The following MX1 variants were observed in gnomAD, a reference collection of about 807,000 sequenced individuals.
The protein encoded by MX1 is MX dynamin like GTPase 1.
MX1 carries 66 observed loss-of-function variants against 66.4 expected under a neutral mutation model. That is an observed-to-expected ratio of 0.99 (90% CI 0.82 to 1.22). The LOEUF (loss-of-function observed/expected upper bound fraction) is 1.22, where lower values mean the gene tolerates loss of function less well. Ranked by LOEUF, MX1 falls within the 50% of genes most tolerant of loss-of-function variation. MX1 has a pLI of 0.00. For missense variants in MX1, 787 were observed against 834.3 expected, an observed-to-expected ratio of 0.94 and a Z score of 0.70; for synonymous variants, 311 against 318.1, an observed-to-expected ratio of 0.98 and a Z score of 0.24.
At chr21:41,424,303 C>G (rs920509116), upstream of MX1, among the ~76,000 whole-genome samples, 2 of 151,480 alleles carry the variant, frequency 1.3e-5, no homozygotes, top group African/African-American at 4.9e-5. Context: ...AACTTGTGTT[C>G]CCCTTGGATG....
rs533327196 is a variant in MX1, at chr21:41,450,463, C to A, written c.1433-704C>A. ...AGCTGGAGATAGCCTCAGAACAGCT[C>A]ATTCAGAGGTGTATTTCCAGTAAAA... is the stretch of plus-strand genomic sequence containing the variant. On this transcript the variant is annotated intron_variant, in intron 14 of 16. Transcript: ENST00000398598. 9.9e-4 allele frequency among the ~76,000 whole-genome samples: 151 copies of A among 152,266 alleles called. 3 individuals are homozygous for A. The South Asian group carries it at 0.014, about 14-fold the overall frequency.
chr21:41,445,115 A>G (rs1216740182), intron 11 of MX1, among the ~76,000 whole-genome samples: 1 of 152,170 alleles, frequency 6.6e-6, no homozygotes, highest in Non-Finnish European at 1.5e-5. Context: ...GGATCTCTCC[A>G]GTCTCCCTCC....
Position 41,445,512 on chromosome 21 carries a change from A to G in MX1, c.1073A>G (p.Gln358Arg), listed in dbSNP as rs2090635500. The G allele has an allele frequency of 2.5e-6, 4 of 1,614,102 alleles. No individual in the cohort carries two copies. Among genetic ancestry groups the G allele is most frequent in the Non-Finnish European group, 3.4e-6 (4 of 1,180,036 alleles). The part of the protein sequence containing the change: ...ETHQRITEEL[Q>R]KYGVDIPEDE... ...CACCAGAGAATAACAGAGGAGCTACAAAAGTATGGTGTCGACATACCGGAA... is the reference window on the plus strand; with the variant it reads ...CACCAGAGAATAACAGAGGAGCTACGAAAGTATGGTGTCGACATACCGGAA... The change falls in exon 12 of 17, where the codon CAA becomes CGA. Residue 358 changes from glutamine (Q) to arginine (R), a missense_variant. Transcript: ENST00000398598.
At position 41,441,748 on chromosome 21, in the gene MX1, G is replaced by C; in HGVS notation, c.763G>C (p.Gly255Arg). The part of the protein sequence containing the change: ...ILTKPDLVDK[G>R]TEDKVVDVVR... ...GACGAAGCCTGATCTGGTGGACAAAGGAACTGAAGACAAGGTTGTGGACGT... is the reference window on the plus strand; with the variant it reads ...GACGAAGCCTGATCTGGTGGACAAACGAACTGAAGACAAGGTTGTGGACGT... The change falls in exon 10 of 17, where the codon GGA becomes CGA. Residue 255 changes from glycine to arginine, a missense_variant. Gly to Arg is a moderately radical substitution (Grantham distance 125, BLOSUM62 -2). Transcript: ENST00000398598. This position sits in a 1 kb window ranked among gnomAD's most constrained non-coding sequence, Gnocchi z 4.0. The C allele has an allele frequency of 1.2e-6, 2 of 1,614,180 alleles. No homozygotes were observed. The highest frequency in any genetic ancestry group is 2.2e-5 in the South Asian group (2 of 91,076).
upstream of MX1, chr21:41,422,674 C>T (rs920381343): frequency 3.9e-5 from 6 of 152,084 alleles, no homozygotes; most frequent in African/African-American, 1.4e-4. Flanking sequence ...AACTGCTGTT[C>T]GTTTAATAGA....
rs1279193523 is a variant in MX1, at chr21:41,441,067, G to A, written c.730+42G>A. The A allele has an allele frequency of 1.3e-6, 2 of 1,514,144 alleles. No individual in the cohort carries two copies. Among genetic ancestry groups the A allele is most frequent in the East Asian group, 2.3e-5 (1 of 44,302 alleles). 93.8% of individuals were successfully genotyped at this position (1,514,144 alleles called of 1,614,324 possible). The stretch of plus-strand genomic sequence containing the variant: ...CCCACTGTGCTCAGTGAGAATGGGG[G>A]AGCCCGCCTGTGCTCGGTGAGAATG... On this transcript the variant is annotated intron_variant, in intron 9 of 16. Transcript: ENST00000398598. This position sits in a 1 kb window ranked among gnomAD's most constrained non-coding sequence, Gnocchi z 4.0.
rs1180254675 is a variant in MX1 at position 41,427,776 on chromosome 21, AGGAGATC to A, written c.-185_-179del. 6.6e-6 allele frequency: 1 copy of A among 152,248 alleles called. No homozygotes were observed. The highest frequency in any genetic ancestry group is 1.5e-5 in the Non-Finnish European group (1 of 68,108). The allele number at this position is 152,248 out of a possible 1,614,324, so 9.4% of individuals were successfully genotyped here. On this transcript the variant is annotated 5_prime_UTR_variant, in exon 3 of 17. Coordinates refer to ENST00000398598, the MANE Select transcript of MX1 (RefSeq NM_002462.5). ...GCAGGAATTCTGTGGCCACACTGCG[AGGAGATC>A]GGTTCTGGGTCGGAGGCTACAGGAA...
intron 16 of MX1, among the ~76,000 whole-genome samples, chr21:41,455,507 T>G (rs1314446358): frequency 6.6e-6 from 1 of 151,924 alleles, no homozygotes; most frequent in South Asian, 2.1e-4. Context: ...GGCAGAGGAG[T>G]CTCCGAGCCA....
rs1447668894 is a variant in MX1, at chr21:41,441,101, C to T, written c.730+76C>T. 3 of 1,270,818 alleles carry T rather than the reference C, an allele frequency of 2.4e-6. No homozygotes were observed. Among genetic ancestry groups the T allele is most frequent in the East Asian group, 3.0e-5 (1 of 33,872 alleles). The allele number at this position is 1,270,818 out of a possible 1,614,324, so 78.7% of individuals were successfully genotyped here. A position where few individuals can be genotyped will look rare whatever the true frequency, so the allele number is the denominator to read the frequency against. ...TGTGCTCGGTGAGAATGGGGGAGCCCACCTGTGCTCGGTGAGAATGGGGGA... is the reference window on the plus strand; with the variant it reads ...TGTGCTCGGTGAGAATGGGGGAGCCTACCTGTGCTCGGTGAGAATGGGGGA... On this transcript the variant is annotated intron_variant, in intron 9 of 16. Transcript: ENST00000398598. This position sits in a 1 kb window ranked among gnomAD's most constrained non-coding sequence, Gnocchi z 4.0.
intron 8 of MX1, 36 bp downstream of exon 8, chr21:41,439,884 C>A (rs534355284): frequency 2.7e-6 from 2 of 752,642 alleles, no homozygotes; most frequent in South Asian, 2.1e-5. Flanking sequence ...TTGGCCGTGG[C>A]GTGGGGATGG....
intron 10 of MX1, among the ~76,000 whole-genome samples, chr21:41,442,300 A>G (rs945790215): frequency 1.3e-5 from 2 of 152,188 alleles, no homozygotes; most frequent in Non-Finnish European, 1.5e-5. Flanking sequence ...TAAATGCAGC[A>G]TTTCAAATCA....
intron 4 of MX1, chr21:41,431,744 GA>G: frequency 3.8e-6 from 1 of 262,084 alleles, no homozygotes; most frequent in East Asian, 9.6e-5. Flanking sequence ...AAAGTGCTGA[GA>G]TTACAGGCGT....
chr21:41,444,900 C>T (rs948782106), intron 11 of MX1, among the ~76,000 whole-genome samples: 2 of 152,134 alleles, frequency 1.3e-5, no homozygotes, highest in African/African-American at 4.8e-5. Flanking sequence ...ACTTGTGAGT[C>T]CACCGATACA....
In MX1 at chr21:41,431,472, G is replaced by A. The variant is rs10460720; in HGVS notation, c.-21-578G>A. Among the ~76,000 whole-genome samples the A allele has an allele frequency of 2.3e-4, 30 of 132,750 alleles. No individual in the cohort carries two copies. In the East Asian group the frequency reaches 7.1e-3, roughly 31 times the overall value. The allele number at this position is 132,750 out of a possible 152,430, so 87.1% of individuals were successfully genotyped here. On this transcript the variant is annotated intron_variant, in intron 4 of 16. Coordinates refer to ENST00000398598, the MANE Select transcript of MX1 (RefSeq NM_002462.5). ...TTAGAAAATATTTTGGGGAACAGAG[G>A]CATATTCTATTTTTTTTTTTTGAGA...
intron 4 of MX1, among the ~76,000 whole-genome samples, chr21:41,431,469 G>A (rs2090209428): frequency 1.4e-5 from 2 of 140,782 alleles, no homozygotes; most frequent in South Asian, 2.4e-4. Context: ...TTGGGGAACA[G>A]AGGCATATTC....
At chr21:41,454,123 C>T (rs138473631) in intron 16 of MX1, among the ~76,000 whole-genome samples, 1 of 152,302 alleles carries the variant, frequency 6.6e-6, no homozygotes, top group East Asian at 1.9e-4. Context: ...CATGGCAGGG[C>T]CATTTCAATC....
chr21:41,454,361 A>G (rs2090909638), intron 16 of MX1, among the ~76,000 whole-genome samples: 1 of 151,842 alleles, frequency 6.6e-6, no homozygotes, highest in Non-Finnish European at 1.5e-5. Flanking sequence ...ATAATATGGT[A>G]TCTTACTACT....
At chr21:41,445,859 CTCT>C in intron 12 of MX1, 138 bp from the exon 13 acceptor site, 1 of 1,123,354 alleles carries the variant, frequency 8.9e-7, no homozygotes. Context: ...GTGCCAAAAC[CTCT>C]TCTTTCCCCT....
Position 41,437,020 on chromosome 21 carries a change from G to A in MX1, c.304G>A (p.Val102Met), listed in dbSNP as rs749382504. 20 of 1,613,780 alleles carry A rather than the reference G, an allele frequency of 1.2e-5. No individual in the cohort carries two copies. The Admixed American group carries it at 1.7e-4, about 13-fold the overall frequency. The change falls in exon 7 of 17, where the codon GTG becomes ATG. Residue 102 changes from valine (V) to methionine (M), a missense_variant. By Grantham distance (21) the Val-to-Met change is conservative (BLOSUM62 1). Transcript: ENST00000398598. ...ATGTGGGCGTGGCCTCCTAGGGATC[G>A]TGACCAGATGCCCGCTGGTGCTGAA... ...GVALPRGSGI[V>M]TRCPLVLKLK...
Sources: allele counts gnomAD v4.1 joint callset (sites outside exome capture counted in the v4.1 genomes callset), GRCh38; gene constraint gnomAD v4.1.1; non-coding constraint Gnocchi (gnomAD v3.1); transcripts MANE v1.5; gene names NCBI Gene and HGNC (gene_info 2026-07-23, HGNC 2026-07-21).